CYP4Z1: variants seen among roughly 807,000 people sequenced by gnomAD.
CYP4Z1 encodes cytochrome P450 4Z1.
A neutral mutation model predicts 54.2 loss-of-function variants in CYP4Z1; 41 were observed. The observed-to-expected ratio is 0.76, with a 90% CI of 0.59 to 0.98. The LOEUF is 0.98. CYP4Z1 is among the 50% of genes least tolerant of loss of function. The probability of loss-of-function intolerance (pLI) is 0.00; values close to 1 mark genes in which losing one functional copy is unlikely to be tolerated. For synonymous variants in CYP4Z1, 163 were observed against 206.2 expected, an observed-to-expected ratio of 0.79 and a Z score of 1.79; for missense variants, 513 against 599.0, an observed-to-expected ratio of 0.86 and a Z score of 1.50.
chr1:47,059,220 G>T, the CYP4Z1 span, among the ~76,000 whole-genome samples: 8 of 152,058 alleles, frequency 5.3e-5, no homozygotes, highest in East Asian at 1.5e-3. Flanking sequence ...ATTTTTATAT[G>T]TCCCAATGCC....
At chr1:47,067,728 A>AG in intron 1 of CYP4Z1, 61 bp downstream of exon 1, 1 of 1,455,242 alleles carries the variant, frequency 6.9e-7, no homozygotes, top group Non-Finnish European at 9.2e-7. Context: ...TTAAAAAAAA[A>AG]CAGCACAGAC....
At chr1:47,065,966 C>T (rs140514157), upstream of CYP4Z1, among the ~76,000 whole-genome samples, 898 of 152,066 alleles carry the variant, frequency 5.9e-3, 9 homozygotes, top group African/African-American at 0.021. Context: ...TACCACCCTC[C>T]TAGGTTAAAC....
chr1:47,108,390 C>A (rs1343241923), intron 9 of CYP4Z1, among the ~76,000 whole-genome samples: 2 of 152,218 alleles, frequency 1.3e-5, no homozygotes, highest in African/African-American at 2.4e-5. Context: ...TATACGCTTT[C>A]TCTGCCCTGC....
intron 2 of CYP4Z1, among the ~76,000 whole-genome samples, chr1:47,077,406 T>C (rs1644532881): frequency 6.6e-6 from 1 of 152,170 alleles, no homozygotes; most frequent in Admixed American, 6.5e-5. Flanking sequence ...CCTTACTGTT[T>C]GCATAGAATA....
At chr1:47,079,277 T>A (rs1471077951) in intron 2 of CYP4Z1, among the ~76,000 whole-genome samples, 19 of 152,296 alleles carry the variant, frequency 1.2e-4, no homozygotes, top group Middle Eastern at 6.8e-3. Flanking sequence ...ATGCCACCAA[T>A]CTTTTCTATC....
chr1:47,061,145 G>T, the CYP4Z1 span, among the ~76,000 whole-genome samples: 1 of 152,110 alleles, frequency 6.6e-6, no homozygotes, highest in African/African-American at 2.4e-5. Context: ...AAGAATTACG[G>T]AAGGAAGAGC....
chr1:47,055,627 T>C, the CYP4Z1 span, among the ~76,000 whole-genome samples: 7 of 152,210 alleles, frequency 4.6e-5, no homozygotes, highest in Admixed American at 4.6e-4. Flanking sequence ...GAGATTCAAC[T>C]TCTTCCTGGT....
intron 8 of CYP4Z1, among the ~76,000 whole-genome samples, chr1:47,101,127 T>G (rs2148537459): frequency 6.6e-6 from 1 of 152,298 alleles, no homozygotes; most frequent in Non-Finnish European, 1.5e-5. Flanking sequence ...CTGGTTTTAT[T>G]TGGATCTTCT....
chr1:47,096,794 A>C (rs1569736243), intron 7 of CYP4Z1: 1 of 151,880 alleles, frequency 6.6e-6, no homozygotes, highest in East Asian at 1.9e-4. Flanking sequence ...TGCCTGGCTA[A>C]TATTTTTGTA....
Position 47,068,648 on chromosome 1 carries a change from G to T in CYP4Z1, c.204G>T (p.Val68=). The change falls in exon 2 of 12, where the codon GTG becomes GTT. Residue 68 remains valine (V), a synonymous_variant. Transcript: ENST00000334194. ...TTTACCCAGTAAAGGAGTTTGAGGT[G>T]TATCATAAGCTGATGGAAAAATACC... ...KEFYPVKEFE[V]YHKLMEKYPC... The T allele has an allele frequency of 6.2e-7, 1 of 1,614,156 alleles. No individual in the cohort carries two copies.
chr1:47,062,564 T>A (rs1644429616), upstream of CYP4Z1, among the ~76,000 whole-genome samples: 1 of 152,140 alleles, frequency 6.6e-6, no homozygotes, highest in Non-Finnish European at 1.5e-5. Flanking sequence ...GCCCTCTGAC[T>A]ACCGGCTTTC....
rs1644823645 is a variant in CYP4Z1, at chr1:47,115,518, T to A, written c.1202-11T>A. The A allele has an allele frequency of 1.2e-6, 2 of 1,611,546 alleles. No individual in the cohort carries two copies. Among genetic ancestry groups the A allele is most frequent in the Non-Finnish European group, 1.7e-6 (2 of 1,179,200 alleles). ...TCATGCACTTACCTGCTTTTTCTTC[T>A]GTTTACTCAGGAATAACTGTGTTTA... On this transcript the variant is annotated splice_polypyrimidine_tract_variant and intron_variant, in intron 9 of 11. Coordinates refer to ENST00000334194, the MANE Select transcript of CYP4Z1 (RefSeq NM_178134.3).
Position 47,067,465 on chromosome 1 carries a change from T to A in CYP4Z1, c.-26T>A. ...TCCCTGGCTCAGTTCTCTCAGGCTC[T>A]CCAGAGCTCAGGACCTCTGAGAAGA... On this transcript the variant is annotated 5_prime_UTR_variant, in exon 1 of 12. Coordinates refer to ENST00000334194, the MANE Select transcript of CYP4Z1 (RefSeq NM_178134.3). The A allele has an allele frequency of 6.4e-7, 1 of 1,574,304 alleles. No homozygotes were observed. Among genetic ancestry groups the A allele is most frequent in the Non-Finnish European group, 8.6e-7 (1 of 1,157,668 alleles).
At chr1:47,077,681 T>A (rs1215134591) in intron 2 of CYP4Z1, among the ~76,000 whole-genome samples, 1 of 151,712 alleles carries the variant, frequency 6.6e-6, no homozygotes, top group African/African-American at 2.4e-5. Context: ...GGTGCAGTGG[T>A]GTCATCATAG....
intron 6 of CYP4Z1, among the ~76,000 whole-genome samples, chr1:47,091,980 A>G (rs1644641434): frequency 6.6e-6 from 1 of 151,744 alleles, no homozygotes; most frequent in African/African-American, 2.4e-5. Context: ...AATTTCCAGA[A>G]TCACCCAGGG....
At position 47,082,357 on chromosome 1, in the gene CYP4Z1, G is replaced by T; in HGVS notation, c.388G>T (p.Gly130Cys). 6.2e-7 allele frequency: 1 copy of T among 1,610,662 alleles called. No homozygotes were observed. The highest frequency in any genetic ancestry group is 8.5e-7 in the Non-Finnish European group (1 of 1,178,712). Residue 130 changes from glycine (G) to cysteine (C), a missense_variant, in exon 4 of 12, where the codon GGT becomes TGT. Transcript: ENST00000334194. ...WVGRGLVTLD[G>C]SKWKKHRQIV... ...AGGTCGAGGACTTGTGACCCTGGAT[G>T]GTTCTAAATGGAAAAAGCACCGCCA...
chr1:47,076,924 C>G (rs888829783), intron 2 of CYP4Z1, among the ~76,000 whole-genome samples: 1 of 144,690 alleles, frequency 6.9e-6, no homozygotes, highest in African/African-American at 2.6e-5. Flanking sequence ...ATATTGATTT[C>G]TAGTTTTATT....
chr1:47,057,590 A>G, the CYP4Z1 span, among the ~76,000 whole-genome samples: 1 of 149,180 alleles, frequency 6.7e-6, no homozygotes, highest in African/African-American at 2.5e-5. Flanking sequence ...GAGTTTCTAA[A>G]TTTCAGATAT....
chr1:47,068,646 G>T lies in CYP4Z1; in HGVS notation c.202G>T (p.Val68Leu). 6.2e-7 allele frequency: 1 copy of T among 1,614,106 alleles called. No individual in the cohort carries two copies. Among genetic ancestry groups the T allele is most frequent in the Non-Finnish European group, 8.5e-7 (1 of 1,179,994 alleles). Residue 68 changes from valine (V) to leucine (L), a missense_variant, in exon 2 of 12, where the codon GTG becomes TTG. Coordinates refer to ENST00000334194, the MANE Select transcript of CYP4Z1 (RefSeq NM_178134.3). ...KEFYPVKEFEVYHKLMEKYPC... is the reference protein window; with the variant it reads ...KEFYPVKEFELYHKLMEKYPC... Reference sequence around the variant, plus strand: ...GTTTTACCCAGTAAAGGAGTTTGAGGTGTATCATAAGCTGATGGAAAAATA... The same window carrying T: ...GTTTTACCCAGTAAAGGAGTTTGAGTTGTATCATAAGCTGATGGAAAAATA...
Sources: gnomAD v4.1 joint callset for allele counts (sites outside exome capture counted in the v4.1 genomes callset) on GRCh38, gnomAD v4.1.1 for gene constraint, MANE v1.5 for transcripts, NCBI Gene and HGNC (gene_info 2026-07-23, HGNC 2026-07-21) for gene names.